The following STEAP4 variants were observed in gnomAD, a reference collection of about 807,000 sequenced individuals.
STEAP4 encodes the protein STEAP4 metalloreductase.
In STEAP4, 36 loss-of-function variants were observed where a neutral mutation model predicts 43.6. That is an observed-to-expected ratio of 0.83 (90% CI 0.63 to 1.09). The LOEUF (loss-of-function observed/expected upper bound fraction) is 1.09, where lower values mean the gene tolerates loss of function less well. STEAP4 is among the 50% of genes least tolerant of loss of function. The pLI is 0.00. For synonymous variants in STEAP4, 191 were observed against 196.7 expected, an observed-to-expected ratio of 0.97 and a Z score of 0.24; for missense variants, 495 against 546.5, an observed-to-expected ratio of 0.91 and a Z score of 0.94.
chr7:88,305,680 A>G (rs925145551), intron 1 of STEAP4, among the ~76,000 whole-genome samples: 1 of 152,214 alleles, frequency 6.6e-6, no homozygotes, highest in Non-Finnish European at 1.5e-5. Flanking sequence ...TGGAACATGC[A>G]TTATTATGAA....
chr7:88,304,910 C>T (rs899314866), intron 1 of STEAP4, among the ~76,000 whole-genome samples: 3 of 151,986 alleles, frequency 2.0e-5, no homozygotes, highest in Non-Finnish European at 4.4e-5. Flanking sequence ...CTTCAAGAGA[C>T]AAAGTAATGC....
At chr7:88,286,497 C>T (rs1360214045) in intron 1 of STEAP4, among the ~76,000 whole-genome samples, 1 of 151,810 alleles carries the variant, frequency 6.6e-6, no homozygotes. Flanking sequence ...AGATTTAAAA[C>T]ACTGGATATC....
chr7:88,286,727 G>T (rs1852740909), intron 1 of STEAP4, among the ~76,000 whole-genome samples: 1 of 149,710 alleles, frequency 6.7e-6, no homozygotes. Context: ...CCAGAAAACT[G>T]CTGTGAGCAA....
Position 88,282,640 on chromosome 7 carries a change from C to T in STEAP4, c.984+1G>A. 6.2e-7 allele frequency: 1 copy of T among 1,610,280 alleles called. No individual in the cohort carries two copies. Among genetic ancestry groups the T allele is most frequent in the Non-Finnish European group, 8.5e-7 (1 of 1,177,356 alleles). ...AAGAAAATATATAAGAAGAGATTTA[C>T]CTGGGTAACGGTTAAGTTTCCCAAT... On this transcript the variant is annotated splice_donor_variant, in intron 3 of 4. Transcript: ENST00000380079. LOFTEE classifies it high-confidence loss of function.
intron 1 of STEAP4, among the ~76,000 whole-genome samples, chr7:88,295,830 G>T (rs1852914870): frequency 6.6e-6 from 1 of 152,192 alleles, no homozygotes; most frequent in African/African-American, 2.4e-5. Context: ...TTTTGGAGAG[G>T]TGTGGTAGGG....
chr7:88,287,785 A>G (rs1586747363), intron 1 of STEAP4, among the ~76,000 whole-genome samples: 1 of 152,072 alleles, frequency 6.6e-6, no homozygotes, highest in East Asian at 1.9e-4. Context: ...TCTTGTAGCC[A>G]GAGGCTGCAT....
rs1382592079 is a variant in STEAP4 at position 88,275,600 on chromosome 7, G to GGGGTGTGTGTGTGT, written c.*3797_*3798insACACACACACACCC. 1 of 144,960 alleles carries GGGGTGTGTGTGTGT rather than the reference G, an allele frequency of 6.9e-6. No homozygotes were observed. The highest frequency in any genetic ancestry group is 2.6e-5 in the African/African-American group (1 of 39,158). 9.0% of individuals were successfully genotyped at this position (144,960 alleles called of 1,614,324 possible). ...TAAGGCTATCTGTGGGCTCTCATGG[G>GGGGTGTGTGTGTGT]GTGTGTGTGTGTGTGTGTGTGTGTG... On this transcript the variant is annotated 3_prime_UTR_variant, in exon 5 of 5. Coordinates refer to ENST00000380079, the MANE Select transcript of STEAP4 (RefSeq NM_024636.4).
chr7:88,306,278 C>T (rs548458638), intron 1 of STEAP4, among the ~76,000 whole-genome samples: 1 of 152,334 alleles, frequency 6.6e-6, no homozygotes, highest in South Asian at 2.1e-4. Context: ...GCTTTATTTA[C>T]TCTTCACAAT....
chr7:88,293,934 T>C (rs1010768659), intron 1 of STEAP4, among the ~76,000 whole-genome samples: 1 of 152,142 alleles, frequency 6.6e-6, no homozygotes, highest in Non-Finnish European at 1.5e-5. Context: ...TTCAGTCCTA[T>C]AAATTTTAGA....
At chr7:88,305,471 GA>G (rs879635435) in intron 1 of STEAP4, among the ~76,000 whole-genome samples, 115 of 149,168 alleles carry the variant, frequency 7.7e-4, no homozygotes, top group Admixed American at 1.1e-3. Flanking sequence ...TACTGTATCA[GA>G]AAAAAAAAAT....
rs1221614105 is a variant in STEAP4 at position 88,271,721 on chromosome 7, A to G, written c.*7677T>C. 1 of 152,196 alleles carries G rather than the reference A, an allele frequency of 6.6e-6. No individual in the cohort carries two copies. The highest frequency in any genetic ancestry group is 2.4e-5 in the African/African-American group (1 of 41,458). 9.4% of individuals were successfully genotyped at this position (152,196 alleles called of 1,614,324 possible). A position where few individuals can be genotyped will look rare whatever the true frequency, so the allele number is the denominator to read the frequency against. ...CTCCTGGATCAAAACTTAACTCTGCATTTTTTAATTTTGAAAGATATTCCC... is the reference window on the plus strand; with the variant it reads ...CTCCTGGATCAAAACTTAACTCTGCGTTTTTTAATTTTGAAAGATATTCCC... On this transcript the variant is annotated 3_prime_UTR_variant, in exon 5 of 5. Transcript: ENST00000380079.
rs959797289 is a variant in STEAP4, at chr7:88,274,492, C to T, written c.*4906G>A. 19 of 152,082 alleles carry T rather than the reference C, an allele frequency of 1.2e-4. No homozygotes were observed. The highest frequency in any genetic ancestry group is 8.5e-4 in the Admixed American group (13 of 15,258). The allele number at this position is 152,082 out of a possible 1,614,324, so 9.4% of individuals were successfully genotyped here. A position where few individuals can be genotyped will look rare whatever the true frequency, so the allele number is the denominator to read the frequency against. ...TATCCGAAACTTTAGGACTTTGCCT[C>T]GAGCTTGAGGAGAGGTAATGCATAT... On this transcript the variant is annotated 3_prime_UTR_variant, in exon 5 of 5. Transcript: ENST00000380079.
At chr7:88,302,781 C>T (rs993121988) in intron 1 of STEAP4, among the ~76,000 whole-genome samples, 3 of 151,734 alleles carry the variant, frequency 2.0e-5, no homozygotes, top group Non-Finnish European at 2.9e-5. Context: ...TGGCGAAACC[C>T]CATCTCTACT....
intron 1 of STEAP4, among the ~76,000 whole-genome samples, chr7:88,286,650 G>T (rs958007449): frequency 6.6e-6 from 1 of 152,060 alleles, no homozygotes; most frequent in Non-Finnish European, 1.5e-5. Flanking sequence ...GGTGGAGATT[G>T]TAGTGAGCTG....
intron 1 of STEAP4, among the ~76,000 whole-genome samples, chr7:88,294,899 C>T (rs1477520757): frequency 6.6e-6 from 1 of 152,116 alleles, no homozygotes; most frequent in Non-Finnish European, 1.5e-5. Context: ...TTAAAAAACA[C>T]ACAAAGTATA....
rs1852580582 is a variant in STEAP4, at chr7:88,279,587, G to A, written c.1191C>T (p.His397=). ...ATCTCTTCCCACCGTACACCAGGGT[G>A]TGGGCTGTACACAAGATCAGGGTCA... ...GYLTLILCTA[H]TLVYGGKRFL... is the part of the protein sequence containing the mutation. The change falls in exon 5 of 5, where the codon CAC becomes CAT. Residue 397 remains histidine (H), a synonymous_variant. Transcript: ENST00000380079. 1.2e-6 allele frequency: 2 copies of A among 1,613,812 alleles called. No individual in the cohort carries two copies. The highest frequency in any genetic ancestry group is 1.3e-5 in the African/African-American group (1 of 74,916).
intron 1 of STEAP4, among the ~76,000 whole-genome samples, chr7:88,294,782 G>A (rs1586751316): frequency 6.6e-6 from 1 of 152,040 alleles, no homozygotes; most frequent in Admixed American, 6.6e-5. Context: ...TGCATATAAT[G>A]CCATTTGTAG....
chr7:88,283,954 T>A lies in STEAP4; in HGVS notation c.316A>T (p.Asn106Tyr). The A allele has an allele frequency of 6.2e-7, 1 of 1,614,152 alleles. No individual in the cohort carries two copies. The highest frequency in any genetic ancestry group is 8.5e-7 in the Non-Finnish European group (1 of 1,180,026). ...GGATATTGATTGATTTTGAGGTTGT[T>A]GCTGATGTCTACCAATATTTTTCCA... The part of the protein sequence containing the change: ...LNGKILVDIS[N>Y]NLKINQYPES... The change falls in exon 2 of 5, where the codon AAC (asparagine) becomes TAC (tyrosine). Residue 106 changes from asparagine (N) to tyrosine (Y), a missense_variant. Physicochemically the swap from Asn to Tyr is moderately radical, Grantham distance 143 (BLOSUM62 -2). Coordinates refer to ENST00000380079, the MANE Select transcript of STEAP4 (RefSeq NM_024636.4).
At chr7:88,281,245 A>T (rs1017863047) in intron 3 of STEAP4, among the ~76,000 whole-genome samples, 166 bp from the exon 4 acceptor site, 2 of 152,218 alleles carry the variant, frequency 1.3e-5, no homozygotes, top group African/African-American at 4.8e-5. Flanking sequence ...CTTAGAAATT[A>T]TATTTTTTGG....
Sources: allele counts gnomAD v4.1 joint callset (sites outside exome capture counted in the v4.1 genomes callset), GRCh38; gene constraint gnomAD v4.1.1; transcripts MANE v1.5; gene names NCBI Gene and HGNC (gene_info 2026-07-23, HGNC 2026-07-21).